Variants in UHRF2 observed in about 807,000 individuals in gnomAD.
UHRF2 encodes E3 ubiquitin-protein ligase UHRF2.
A neutral mutation model predicts 96.8 loss-of-function variants in UHRF2; 23 were observed. That is an observed-to-expected ratio of 0.24 (90% CI 0.17 to 0.34). The LOEUF is 0.34. Ranked by LOEUF, UHRF2 falls within the 10% of genes least tolerant of loss-of-function variation. The probability of loss-of-function intolerance (pLI) is 1.00; values close to 1 mark genes in which losing one functional copy is unlikely to be tolerated. For missense variants in UHRF2, 685 were observed against 981.5 expected (o/e 0.70, Z 4.04); for synonymous variants, 385 against 332.6 (o/e 1.16, Z -1.72).
chr9:6,433,184 C>A (rs1388918010), intron 2 of UHRF2, among the ~76,000 whole-genome samples: 1 of 152,120 alleles, frequency 6.6e-6, no homozygotes, highest in African/African-American at 2.4e-5. Flanking sequence ...TTAAACCTTT[C>A]ATTTCATAAC....
chr9:6,488,244 G>C (rs1824427643), intron 9 of UHRF2, among the ~76,000 whole-genome samples: 2 of 93,796 alleles, frequency 2.1e-5, no homozygotes, highest in Admixed American at 3.5e-4. Context: ...GCAAGACCCT[G>C]TCTCCTTAAA....
chr9:6,427,498 C>T (rs1336240550), intron 2 of UHRF2, among the ~76,000 whole-genome samples: 1 of 152,102 alleles, frequency 6.6e-6, no homozygotes, highest in South Asian at 2.1e-4. Context: ...ACCATCCTGG[C>T]CAACATGGTG....
intron 4 of UHRF2, among the ~76,000 whole-genome samples, chr9:6,462,787 C>T (rs1488135675): frequency 6.6e-6 from 1 of 151,956 alleles, no homozygotes; most frequent in African/African-American, 2.4e-5. Context: ...TGTAGTGGCA[C>T]GTGCCTGTAG....
chr9:6,421,636 C>T (rs561534743), intron 2 of UHRF2, among the ~76,000 whole-genome samples: 2 of 152,066 alleles, frequency 1.3e-5, no homozygotes, highest in African/African-American at 2.4e-5. Context: ...AGGCTAGTCT[C>T]GAACTCCTGA....
Position 6,475,447 on chromosome 9 carries a change from A to G in UHRF2, c.920A>G (p.Lys307Arg). 1.3e-6 allele frequency: 2 copies of G among 1,592,874 alleles called. No homozygotes were observed. Among genetic ancestry groups the G allele is most frequent in the Non-Finnish European group, 1.7e-6 (2 of 1,168,846 alleles). The change falls in exon 5 of 16, where the codon AAG becomes AGG. Residue 307 changes from lysine (K) to arginine (R), a missense_variant. Physicochemically the swap from Lys to Arg is conservative, Grantham distance 26. This residue lies in a region of UHRF2 where 391 missense variants were observed against 437.0 expected (regional missense o/e 0.89). Coordinates refer to ENST00000276893, the MANE Select transcript of UHRF2 (RefSeq NM_152896.3). ...CKIISVDEIF[K>R]IERPGAHPLS... ...ATAATATCTGTAGATGAAATCTTCA[A>G]GATTGAGAGACCTGGAGCCCATCCC... is the stretch of plus-strand genomic sequence containing the variant.
chr9:6,425,807 A>G (rs1035018773), intron 2 of UHRF2, among the ~76,000 whole-genome samples: 1 of 152,030 alleles, frequency 6.6e-6, no homozygotes, highest in Admixed American at 6.6e-5. Context: ...GGCTCTAGGT[A>G]TGCTTCTTAC....
chr9:6,424,231 A>G (rs1412265848), intron 2 of UHRF2, among the ~76,000 whole-genome samples: 4 of 152,250 alleles, frequency 2.6e-5, no homozygotes, highest in South Asian at 2.1e-4. Context: ...TAAAGTGGCT[A>G]TCTTCAAAGT....
intron 6 of UHRF2, among the ~76,000 whole-genome samples, chr9:6,479,391 C>T (rs1410656080): frequency 6.6e-6 from 1 of 152,106 alleles, no homozygotes; most frequent in Non-Finnish European, 1.5e-5. Context: ...TTTCTACCTA[C>T]TTCACTGGCC....
chr9:6,446,187 T>C (rs1175718215), intron 3 of UHRF2, among the ~76,000 whole-genome samples: 1 of 151,274 alleles, frequency 6.6e-6, no homozygotes, highest in East Asian at 2.0e-4. Flanking sequence ...AGTCTTGCTC[T>C]GTCACCAGGC....
At chr9:6,499,127 A>C (rs1484514177) in intron 12 of UHRF2, 3 of 152,238 alleles carry the variant, frequency 2.0e-5, no homozygotes, top group Non-Finnish European at 4.4e-5. Flanking sequence ...TAGATAGGTT[A>C]TATTTGAAAC....
chr9:6,504,788 C>A, intron 15 of UHRF2, 97 bp downstream of exon 15: 1 of 935,294 alleles, frequency 1.1e-6, no homozygotes, highest in Non-Finnish European at 1.6e-6. Context: ...TTCCGTGAAG[C>A]GGGATAGTTG....
In UHRF2 at chr9:6,428,533, C is replaced by CTTTTTTTTTTTTTTTTTTTTTTTTTTT. The variant is rs1171172143; in HGVS notation, c.385-5369_385-5343dup. On this transcript the variant is annotated intron_variant, in intron 2 of 15. Coordinates refer to ENST00000276893, the MANE Select transcript of UHRF2 (RefSeq NM_152896.3). Reference sequence around the variant, plus strand: ...TGTAAATGGAACCATATTGCTTTTGCTTTTTTTTTTTTTTTTTTTTTTTTT... The same window carrying CTTTTTTTTTTTTTTTTTTTTTTTTTTT: ...TGTAAATGGAACCATATTGCTTTTGCTTTTTTTTTTTTTTTTTTTTTTTTTTTTTTTTTTTTTTTTTTTTTTTTTTTT... 1.5e-4 allele frequency among the ~76,000 whole-genome samples: 10 copies of CTTTTTTTTTTTTTTTTTTTTTTTTTTT among 65,420 alleles called. 1 individual carries two copies. The highest frequency in any genetic ancestry group is 4.0e-4 in the African/African-American group (6 of 15,002). 42.9% of individuals were successfully genotyped at this position (65,420 alleles called of 152,430 possible).
chr9:6,446,445 A>AT (rs113122733), intron 3 of UHRF2, among the ~76,000 whole-genome samples: 32,201 of 151,018 alleles, frequency 0.21, 3,860 homozygotes, highest in African/African-American at 0.31. Context: ...GCCTGGCCTA[A>AT]TTTTTTTTAA....
chr9:6,448,966 A>G (rs1821688744), intron 3 of UHRF2, among the ~76,000 whole-genome samples: 2 of 152,250 alleles, frequency 1.3e-5, no homozygotes, highest in Non-Finnish European at 2.9e-5. Context: ...AAGCAGTATC[A>G]TGAGCCCATC....
At chr9:6,414,345 T>C (rs1819466161) in intron 1 of UHRF2, among the ~76,000 whole-genome samples, 1 of 152,230 alleles carries the variant, frequency 6.6e-6, no homozygotes. Flanking sequence ...AAGAGTTTTA[T>C]TCCCGAAGTG....
chr9:6,489,565 C>G (rs1824528905), intron 9 of UHRF2, among the ~76,000 whole-genome samples: 1 of 152,184 alleles, frequency 6.6e-6, no homozygotes, highest in Non-Finnish European at 1.5e-5. Context: ...CTCTGCATCT[C>G]ACCAGCATTC....
intron 6 of UHRF2, among the ~76,000 whole-genome samples, chr9:6,479,295 C>CTA (rs1447404323): frequency 6.6e-6 from 1 of 152,190 alleles, no homozygotes; most frequent in African/African-American, 2.4e-5. Context: ...CTTTTTATGT[C>CTA]TAAACCTAAG....
At position 6,414,566 on chromosome 9, in the gene UHRF2, A is replaced by G. The variant is rs183410358; in HGVS notation, c.153+923A>G. Among the ~76,000 whole-genome samples the G allele has an allele frequency of 5.3e-5, 8 of 152,252 alleles. No individual in the cohort carries two copies. The East Asian group carries it at 1.3e-3, about 26-fold the overall frequency. ...TCTATATCCCTAGCCACTCAGACCC[A>G]TCGTATTTTTCTTTGTCTTCATGTT... On this transcript the variant is annotated intron_variant, in intron 1 of 15. Coordinates refer to ENST00000276893, the MANE Select transcript of UHRF2 (RefSeq NM_152896.3).
chr9:6,422,433 G>T (rs1819983042), intron 2 of UHRF2, among the ~76,000 whole-genome samples: 1 of 151,840 alleles, frequency 6.6e-6, no homozygotes, highest in South Asian at 2.1e-4. Context: ...CTCTTTCAGG[G>T]TCTCTTGGCT....
Sources: gnomAD v4.1 joint callset for allele counts (sites outside exome capture counted in the v4.1 genomes callset) on GRCh38, gnomAD v4.1.1 for gene constraint, gnomAD v4.1.1 regional missense constraint, MANE v1.5 for transcripts, NCBI Gene and HGNC (gene_info 2026-07-23, HGNC 2026-07-21) for gene names.